PNPLA6: variants seen among roughly 807,000 people sequenced by gnomAD.
The protein encoded by PNPLA6 is patatin like domain 6, lysophospholipase, also known as patatin-like phospholipase domain-containing protein 6.
Under a neutral mutation model 153.7 loss-of-function variants are expected in PNPLA6, and 105 were observed. That is an observed-to-expected ratio of 0.68 (90% CI 0.58 to 0.80). The LOEUF (loss-of-function observed/expected upper bound fraction) is 0.80, where lower values mean the gene tolerates loss of function less well. Ranked by LOEUF, PNPLA6 falls within the 30% of genes least tolerant of loss-of-function variation. The pLI is 0.00. For synonymous variants in PNPLA6, 825 were observed against 822.2 expected (o/e 1.00, Z -0.06); for missense variants, 1,423 against 1,919.3 (o/e 0.74, Z 4.83).
Position 7,549,925 on chromosome 19 carries a change from G to A in PNPLA6, c.1627G>A (p.Val543Met). The change falls in exon 14 of 32, where the codon GTG becomes ATG. Residue 543 changes from valine (V) to methionine (M), a missense_variant. By Grantham distance (21) the Val-to-Met change is conservative. Coordinates refer to ENST00000600737, the MANE Select transcript of PNPLA6 (RefSeq NM_001166114.2). ...QGDQDVSLHF[V>M]LWGCLHVYQR... is the part of the protein sequence containing the mutation. ...CGCACAGGACGTGAGCCTGCACTTC[G>A]TGCTCTGGGGCTGCCTGCACGTGTA... 1 of 1,613,628 alleles carries A rather than the reference G, an allele frequency of 6.2e-7. No individual in the cohort carries two copies. The highest frequency in any genetic ancestry group is 8.5e-7 in the Non-Finnish European group (1 of 1,180,042).
In PNPLA6 at chr19:7,541,185, T is replaced by A; in HGVS notation, c.924+134T>A. 2 of 1,199,260 alleles carry A rather than the reference T, an allele frequency of 1.7e-6. No individual in the cohort carries two copies. The highest frequency in any genetic ancestry group is 2.6e-5 in the South Asian group (2 of 77,116). 74.3% of individuals were successfully genotyped at this position (1,199,260 alleles called of 1,614,324 possible). ...TGGTTATCGGCCTGGAGCAGCCAGATGTCTGCAGCCGCGGACTCCTCCCTT... is the reference window on the plus strand; with the variant it reads ...TGGTTATCGGCCTGGAGCAGCCAGAAGTCTGCAGCCGCGGACTCCTCCCTT... On this transcript the variant is annotated intron_variant, in intron 7 of 31. Transcript: ENST00000600737. The surrounding 1 kb of genome is among the most constrained non-coding windows in gnomAD (Gnocchi z 5.2).
rs1327409780 is a variant in PNPLA6 at position 7,540,086 on chromosome 19, G to T, written c.554+28G>T. On this transcript the variant is annotated intron_variant, in intron 4 of 31. Coordinates refer to ENST00000600737, the MANE Select transcript of PNPLA6 (RefSeq NM_001166114.2). This position sits in a 1 kb window ranked among gnomAD's most constrained non-coding sequence, Gnocchi z 6.8. ...CAGTGTTGGGGTGCAGGTGGGGGTGGAGGGCTGCAGACGTGGGGCCGCCCT... is the reference window on the plus strand; with the variant it reads ...CAGTGTTGGGGTGCAGGTGGGGGTGTAGGGCTGCAGACGTGGGGCCGCCCT... The T allele has an allele frequency of 8.1e-6, 13 of 1,614,016 alleles. No homozygotes were observed. The highest frequency in any genetic ancestry group is 1.0e-5 in the Non-Finnish European group (12 of 1,180,004).
chr19:7,550,824 C>T (rs2023610662), intron 16 of PNPLA6, 170 bp from the exon 17 acceptor site: 1 of 929,424 alleles, frequency 1.1e-6, no homozygotes, highest in South Asian at 1.6e-5. Context: ...TGTCGTGGAT[C>T]CCTGTCCTCT....
At chr19:7,557,430 ACGAT>A (rs2023931152) in intron 27 of PNPLA6, 146 bp downstream of exon 27, 2 of 693,270 alleles carry the variant, frequency 2.9e-6, no homozygotes, top group Non-Finnish European at 5.3e-6. Flanking sequence ...GCGCACACAT[ACGAT>A]CACTTGCACA....
rs149393655 is a variant in PNPLA6, at chr19:7,548,750, TAG to T, written c.1609-1147_1609-1146del. Among the ~76,000 whole-genome samples the T allele has an allele frequency of 8.0e-4, 119 of 149,524 alleles. 1 individual carries two copies. The highest frequency in any genetic ancestry group is 1.3e-3 in the Non-Finnish European group (86 of 67,762). On this transcript the variant is annotated intron_variant, in intron 13 of 31. Coordinates refer to ENST00000600737, the MANE Select transcript of PNPLA6 (RefSeq NM_001166114.2). ...ACATATATATACACACATATATATATAGAGAGAGAGATGCTGCTCATCTATAT... is the reference window on the plus strand; with the variant it reads ...ACATATATATACACACATATATATATAGAGAGAGATGCTGCTCATCTATAT...
chr19:7,536,329 C>T, intron 2 of PNPLA6, 56 bp downstream of exon 2: 1 of 1,459,508 alleles, frequency 6.9e-7, no homozygotes. Context: ...CGCCCCTTCC[C>T]TATTTACACT....
upstream of PNPLA6, chr19:7,534,212 C>T (rs1451231741): frequency 6.0e-6 from 2 of 333,218 alleles, no homozygotes; most frequent in Non-Finnish European, 1.1e-5. Context: ...GGTGTTGGCG[C>T]GGAGTGGACC....
intron 27 of PNPLA6, chr19:7,557,606 A>G: frequency 2.6e-6 from 1 of 381,666 alleles, no homozygotes; most frequent in Admixed American, 3.6e-5. Context: ...CAACATGGTG[A>G]AACCCCGTCT....
intron 13 of PNPLA6, among the ~76,000 whole-genome samples, chr19:7,545,909 CAAA>C (rs554820974): frequency 6.0e-5 from 6 of 100,522 alleles, no homozygotes; most frequent in African/African-American, 1.2e-4. Flanking sequence ...GACCCTGTCT[CAAA>C]AAAAAAAAAA....
At chr19:7,539,782 G>C in intron 3 of PNPLA6, 136 bp from the exon 4 acceptor site, 1 of 543,642 alleles carries the variant, frequency 1.8e-6, no homozygotes, top group Non-Finnish European at 3.3e-6. Flanking sequence ...AAAAAAAAAG[G>C]TGGCCAGCCT....
chr19:7,553,724 G>A, intron 18 of PNPLA6, 151 bp from the exon 19 acceptor site: 1 of 891,466 alleles, frequency 1.1e-6, no homozygotes, highest in Non-Finnish European at 1.8e-6. Flanking sequence ...CTGTATGGTA[G>A]AGTCAAGACT....
chr19:7,561,406 T>C (rs2024095945), intron 31 of PNPLA6, 82 bp from the exon 32 acceptor site: 1 of 1,437,562 alleles, frequency 7.0e-7, no homozygotes, highest in African/African-American at 1.4e-5. Context: ...GTATTTGAGA[T>C]CCTGTGTGTG....
At chr19:7,552,711 C>T (rs1344427362) in intron 18 of PNPLA6, among the ~76,000 whole-genome samples, 2 of 141,002 alleles carry the variant, frequency 1.4e-5, no homozygotes, top group South Asian at 2.2e-4. Flanking sequence ...GCCGAGCCTA[C>T]GCCATTGCAC....
rs527989678 is a variant in PNPLA6, at chr19:7,551,344, G to A, written c.2185-18G>A. On this transcript the variant is annotated intron_variant, in intron 17 of 31. Transcript: ENST00000600737. Reference sequence around the variant, plus strand: ...GCTTCCCAGGTCTCACTGAAATGCCGGCCTCCAACGCCCCCAGGTCGTGAC... The same window carrying A: ...GCTTCCCAGGTCTCACTGAAATGCCAGCCTCCAACGCCCCCAGGTCGTGAC... The A allele has an allele frequency of 1.9e-6, 3 of 1,613,014 alleles. No homozygotes were observed. Among genetic ancestry groups the A allele is most frequent in the South Asian group, 1.1e-5 (1 of 91,062 alleles).
chr19:7,560,701 C>T lies in PNPLA6; in HGVS notation c.3753C>T (p.Asn1251=), dbSNP rs372465203. 21 of 1,613,846 alleles carry T rather than the reference C, an allele frequency of 1.3e-5. No individual in the cohort carries two copies. Among genetic ancestry groups the T allele is most frequent in the African/African-American group, 2.7e-5 (2 of 74,878 alleles). The change falls in exon 29 of 32, where the codon AAC becomes AAT. Residue 1251 remains asparagine (N), a synonymous_variant. Transcript: ENST00000600737. ...KAVFGGWSRG[N]VIEKMLTDRR... ...TGTTTGGAGGCTGGAGCCGTGGCAA[C>T]GTCATTGAGAAAATGCTCACAGACC...
In PNPLA6 at chr19:7,558,065, C is replaced by CCCGTTTGT. The variant is rs1458513495; in HGVS notation, c.3398-782_3398-775dup. Among the ~76,000 whole-genome samples the CCCGTTTGT allele has an allele frequency of 2.0e-5, 3 of 152,222 alleles. No individual in the cohort carries two copies. In the East Asian group the frequency reaches 5.8e-4, roughly 29 times the overall value. The stretch of plus-strand genomic sequence containing the variant: ...CATTTGCCAACGCATGCCAGTCTGT[C>CCCGTTTGT]CCGTTTGTCCTGCACGTTCCCTCAA... On this transcript the variant is annotated intron_variant, in intron 27 of 31. Coordinates refer to ENST00000600737, the MANE Select transcript of PNPLA6 (RefSeq NM_001166114.2).
intron 24 of PNPLA6, 152 bp from the exon 25 acceptor site, chr19:7,556,301 G>T: frequency 1.3e-6 from 1 of 747,356 alleles, no homozygotes; most frequent in East Asian, 2.4e-5. Flanking sequence ...GGCCTCAAGT[G>T]ATCTGCCCGC....
At position 7,547,806 on chromosome 19, in the gene PNPLA6, T is replaced by TAA. The variant is rs142269245; in HGVS notation, c.1609-2097_1609-2096dup. Among the ~76,000 whole-genome samples the TAA allele has an allele frequency of 8.0e-4, 19 of 23,790 alleles. No homozygotes were observed. In the East Asian group the frequency reaches 9.1e-3, roughly 11 times the overall value. 15.6% of individuals were successfully genotyped at this position (23,790 alleles called of 152,430 possible). A position where few individuals can be genotyped will look rare whatever the true frequency, so the allele number is the denominator to read the frequency against. On this transcript the variant is annotated intron_variant, in intron 13 of 31. Coordinates refer to ENST00000600737, the MANE Select transcript of PNPLA6 (RefSeq NM_001166114.2). ...ACACATGCTACCATGCCTGGCTAAT[T>TAA]AAAAATTTTTTTTTTTTTTTTTTTT...
chr19:7,536,309 A>G, intron 2 of PNPLA6, 36 bp downstream of exon 2: 1 of 1,533,120 alleles, frequency 6.5e-7, no homozygotes, highest in Non-Finnish European at 9.0e-7. Flanking sequence ...CCCTGACCAC[A>G]CAGAGGCCGC....
Sources: gnomAD v4.1 joint callset for allele counts (sites outside exome capture counted in the v4.1 genomes callset) on GRCh38, gnomAD v4.1.1 for gene constraint, Gnocchi (gnomAD v3.1) non-coding constraint, MANE v1.5 for transcripts, NCBI Gene and HGNC (gene_info 2026-07-23, HGNC 2026-07-21) for gene names.